Variants in EDARADD observed in about 807,000 individuals in gnomAD.
EDARADD encodes the protein EDAR associated via death domain, also known as ectodysplasin-A receptor-associated adapter protein.
Under a neutral mutation model 25.6 loss-of-function variants are expected in EDARADD, and 20 were observed. That is an observed-to-expected ratio of 0.78 (90% confidence interval 0.55 to 1.14). The LOEUF (loss-of-function observed/expected upper bound fraction) is 1.14, where lower values mean the gene tolerates loss of function less well. Among genes scored for constraint, EDARADD ranks in the 50% most tolerant of loss-of-function variants. EDARADD has a pLI of 0.00. For synonymous variants in EDARADD, 86 were observed against 94.4 expected, an observed-to-expected ratio of 0.91 and a Z score of 0.52; for missense variants, 225 against 270.1, an observed-to-expected ratio of 0.83 and a Z score of 1.17.
chr1:236,404,449 A>G (rs769106995), intron 1 of EDARADD, among the ~76,000 whole-genome samples: 8 of 152,196 alleles, frequency 5.3e-5, no homozygotes, highest in Non-Finnish European at 8.8e-5. Flanking sequence ...AGTTTCAGAT[A>G]CAGTGCATGG....
chr1:236,384,571 TG>T (rs1667332251), intron 3 of EDARADD, among the ~76,000 whole-genome samples: 2 of 152,072 alleles, frequency 1.3e-5, no homozygotes, highest in African/African-American at 4.8e-5. Context: ...TAAATTTTTT[TG>T]TAGAGACAGG....
At chr1:236,361,675 T>C (rs1333787399) in intron 3 of EDARADD, among the ~76,000 whole-genome samples, 1 of 125,262 alleles carries the variant, frequency 8.0e-6, no homozygotes, top group African/African-American at 3.3e-5. Context: ...GGTATTCTAC[T>C]TTTGTCTAGC....
At chr1:236,362,674 G>A (rs1667063493) in intron 3 of EDARADD, among the ~76,000 whole-genome samples, 1 of 151,924 alleles carries the variant, frequency 6.6e-6, no homozygotes, top group African/African-American at 2.4e-5. Context: ...AAGTTTTATA[G>A]TTTTAGGATT....
At chr1:236,428,536 A>G (rs1019599880) in intron 4 of EDARADD, among the ~76,000 whole-genome samples, 26 of 150,556 alleles carry the variant, frequency 1.7e-4, no homozygotes, top group Admixed American at 6.0e-4. Flanking sequence ...CTCACTTCTC[A>G]GATGGGGCGG....
intron 1 of EDARADD, among the ~76,000 whole-genome samples, chr1:236,406,544 G>A (rs1667742957): frequency 6.6e-6 from 1 of 152,200 alleles, no homozygotes; most frequent in Admixed American, 6.5e-5. Flanking sequence ...GAATACAGCA[G>A]GCGGCTGTAA....
intron 3 of EDARADD, among the ~76,000 whole-genome samples, chr1:236,416,143 G>A (rs1036843879): frequency 6.6e-6 from 1 of 152,172 alleles, no homozygotes; most frequent in African/African-American, 2.4e-5. Context: ...TCAGCAAGTG[G>A]CTTCAGGTCT....
At chr1:236,397,326 C>T (rs574787265) in intron 1 of EDARADD, among the ~76,000 whole-genome samples, 2 of 152,172 alleles carry the variant, frequency 1.3e-5, no homozygotes, top group South Asian at 2.1e-4. Context: ...AGGAGGATTG[C>T]TTGAGTCCAG....
At chr1:236,403,852 C>A (rs1470996876) in intron 1 of EDARADD, among the ~76,000 whole-genome samples, 1 of 151,342 alleles carries the variant, frequency 6.6e-6, no homozygotes, top group Non-Finnish European at 1.5e-5. Context: ...CCAGGTTTCT[C>A]TCATGCCTTT....
intron 3 of EDARADD, among the ~76,000 whole-genome samples, chr1:236,385,282 G>A (rs146065330): frequency 0.039 from 5,874 of 151,628 alleles, 141 homozygotes; most frequent in African/African-American, 0.064. Flanking sequence ...GGTGGTGGGT[G>A]CCTGTAGTCC....
In EDARADD at chr1:236,395,843, C is replaced by T. The variant is rs996913605; in HGVS notation, c.61+1338C>T. On this transcript the variant is annotated intron_variant, in intron 1 of 5. Transcript: ENST00000334232. This position sits in a 1 kb window ranked among gnomAD's most constrained non-coding sequence, Gnocchi z 6.9. ...TCGCACGGGGCTCCCAGTCCAGCCC[C>T]GCGAGCGGCTGCTGACCGCCCCTCC... Among the ~76,000 whole-genome samples the T allele has an allele frequency of 7.3e-5, 11 of 151,642 alleles. No individual in the cohort carries two copies. The highest frequency in any genetic ancestry group is 1.6e-4 in the Non-Finnish European group (11 of 67,854).
chr1:236,403,478 G>A (rs1314817047), intron 1 of EDARADD, among the ~76,000 whole-genome samples: 4 of 151,490 alleles, frequency 2.6e-5, no homozygotes, highest in African/African-American at 4.9e-5. Context: ...TAGTAGAGAC[G>A]GGGTTTCACC....
Position 236,483,637 on chromosome 1 carries a change from A to G in EDARADD, c.*988A>G, listed in dbSNP as rs554050493. On this transcript the variant is annotated 3_prime_UTR_variant, in exon 6 of 6. Coordinates refer to ENST00000334232, the MANE Select transcript of EDARADD (RefSeq NM_145861.4). ...TTCAATGTCATCAATGGCAGTTCTC[A>G]TGCTGTCACCAAGCTGGCCATGCAG... 4.5e-5 allele frequency: 70 copies of G among 1,569,186 alleles called. No homozygotes were observed. In the South Asian group the frequency reaches 7.4e-4, roughly 17 times the overall value.
chr1:236,444,156 C>T lies in EDARADD; in HGVS notation c.219+16706C>T, dbSNP rs561632259. ...TAGACATAATACTATTTCTAGACTA[C>T]AGTATAGTGTAAATATAACTTTTTC... On this transcript the variant is annotated intron_variant, in intron 4 of 5. Transcript: ENST00000334232. Among the ~76,000 whole-genome samples, 7 of 152,200 alleles carry T rather than the reference C, an allele frequency of 4.6e-5. 1 individual carries two copies. In the South Asian group the frequency reaches 1.5e-3, roughly 32 times the overall value.
intron 3 of EDARADD, among the ~76,000 whole-genome samples, chr1:236,380,244 T>C (rs1161836878): frequency 1.3e-5 from 2 of 152,204 alleles, no homozygotes; most frequent in African/African-American, 4.8e-5. Flanking sequence ...AAGGTGTAAG[T>C]TGAGATAGGA....
chr1:236,426,312 C>T (rs1037626267), intron 3 of EDARADD, among the ~76,000 whole-genome samples: 1 of 152,266 alleles, frequency 6.6e-6, no homozygotes, highest in African/African-American at 2.4e-5. Context: ...TTCTCCTCAC[C>T]CCTGCTCTAG....
At chr1:236,464,686 G>A (rs1659140293) in intron 4 of EDARADD, among the ~76,000 whole-genome samples, 1 of 151,912 alleles carries the variant, frequency 6.6e-6, no homozygotes, top group Non-Finnish European at 1.5e-5. Flanking sequence ...GCCCGCCTCG[G>A]CCTCCCAAAA....
In EDARADD at chr1:236,395,549, TC is replaced by T; in HGVS notation, c.61+1048del. 2 of 1,539,760 alleles carry T rather than the reference TC, an allele frequency of 1.3e-6. No individual in the cohort carries two copies. The highest frequency in any genetic ancestry group is 8.7e-7 in the Non-Finnish European group (1 of 1,146,290). On this transcript the variant is annotated intron_variant, in intron 1 of 5. Transcript: ENST00000334232. This position sits in a 1 kb window ranked among gnomAD's most constrained non-coding sequence, Gnocchi z 6.9. ...CGCGTCGGAACCGCAGGACTTTTCA[TC>T]CCCGTGGTCCCACGGTCCTCCCGCG... is the stretch of plus-strand genomic sequence containing the variant.
intron 3 of EDARADD, among the ~76,000 whole-genome samples, chr1:236,386,646 C>T (rs1572119941): frequency 5.4e-5 from 1 of 18,458 alleles, no homozygotes; most frequent in African/African-American, 1.8e-4. Context: ...CCGGCCGCCC[C>T]GTCTGAGAAG....
intron 4 of EDARADD, among the ~76,000 whole-genome samples, chr1:236,465,090 C>G (rs755620962): frequency 6.6e-6 from 1 of 152,182 alleles, no homozygotes; most frequent in Non-Finnish European, 1.5e-5. Context: ...CGCATCTCTA[C>G]AGCGGCTCTC....
Sources: gnomAD v4.1 joint callset for allele counts (sites outside exome capture counted in the v4.1 genomes callset) on GRCh38, gnomAD v4.1.1 for gene constraint, Gnocchi (gnomAD v3.1) non-coding constraint, MANE v1.5 for transcripts, NCBI Gene and HGNC (gene_info 2026-07-23, HGNC 2026-07-21) for gene names.